ARHGEF7: variants seen among roughly 807,000 people sequenced by gnomAD.
ARHGEF7 encodes Rho guanine nucleotide exchange factor 7, also known as PAK-interacting exchange factor beta.
In ARHGEF7, 33 loss-of-function variants were observed where a neutral mutation model predicts 109.8. That is an observed-to-expected ratio of 0.30 (90% CI 0.23 to 0.40). ARHGEF7 has a LOEUF of 0.40. Among genes scored for constraint, ARHGEF7 ranks in the 10% least tolerant of loss-of-function variants. The pLI is 1.00. For missense variants in ARHGEF7, 938 were observed against 1,098.5 expected, an observed-to-expected ratio of 0.85 and a Z score of 2.07; for synonymous variants, 458 against 424.6, an observed-to-expected ratio of 1.08 and a Z score of -0.97.
chr13:111,280,317 A>G lies in ARHGEF7; in HGVS notation c.1552A>G (p.Ser518Gly), dbSNP rs760255275. The G allele has an allele frequency of 1.4e-5, 22 of 1,613,544 alleles. No individual in the cohort carries two copies. Among genetic ancestry groups the G allele is most frequent in the Non-Finnish European group, 1.5e-5 (18 of 1,179,864 alleles). Residue 518 changes from serine to glycine, a missense_variant, in exon 14 of 22, where the codon AGT (serine) becomes GGT (glycine). By Grantham distance (56) the Ser-to-Gly change is moderately conservative. This residue lies in a region of ARHGEF7 where 585 missense variants were observed against 723.6 expected (regional missense o/e 0.81). Transcript: ENST00000646102. ...AATGACAATCACAAAGCTTGAGGAC[A>G]GTGAAAATCATAGAAATGCATTTGA... ...TGMTITKLED[S>G]ENHRNAFEIS...
chr13:111,291,471 G>C (rs1387579297), intron 18 of ARHGEF7, among the ~76,000 whole-genome samples: 1 of 152,230 alleles, frequency 6.6e-6, no homozygotes, highest in African/African-American at 2.4e-5. Flanking sequence ...CCTGGGAGCA[G>C]GGGGTGGGTT....
intron 4 of ARHGEF7, among the ~76,000 whole-genome samples, chr13:111,212,846 G>T (rs72653514): frequency 2.6e-5 from 4 of 152,110 alleles, no homozygotes; most frequent in Non-Finnish European, 5.9e-5. Context: ...ACAGTTGATG[G>T]TATGCCATAA....
intron 2 of ARHGEF7, among the ~76,000 whole-genome samples, chr13:111,168,322 G>A (rs1280218914): frequency 6.9e-6 from 1 of 145,516 alleles, no homozygotes; most frequent in African/African-American, 2.5e-5. Flanking sequence ...TGAGGCAGGG[G>A]TGTGGGTCCC....
intron 1 of ARHGEF7, among the ~76,000 whole-genome samples, chr13:111,129,550 A>G (rs924265527): frequency 6.6e-6 from 1 of 152,248 alleles, no homozygotes; most frequent in African/African-American, 2.4e-5. Context: ...AATTTTAAAA[A>G]TGGGCAAATG....
At chr13:111,138,235 C>T (rs1228702599) in intron 1 of ARHGEF7, among the ~76,000 whole-genome samples, 2 of 152,120 alleles carry the variant, frequency 1.3e-5, no homozygotes, top group Non-Finnish European at 2.9e-5. Context: ...ATCGCTTGAA[C>T]TCGGGAGGCA....
rs1473936293 is a variant in ARHGEF7 at position 111,209,949 on chromosome 13, C to G, written c.415C>G (p.Gln139Glu). Residue 139 changes from glutamine to glutamate, a missense_variant, in exon 4 of 22, where the codon CAG becomes GAG. Gln to Glu is a conservative substitution (Grantham distance 29). This residue lies in a region of ARHGEF7 where 585 missense variants were observed against 723.6 expected (regional missense o/e 0.81). Coordinates refer to ENST00000646102, the MANE Select transcript of ARHGEF7 (RefSeq NM_001354046.2). ...RIKSFDSLGS[Q>E]SLHTRTSKLF... ...AAAGTCTTTTGACTCCCTTGGATCA[C>G]AGTCTTTGCACACTCGGACTTCAAA... 1.2e-6 allele frequency: 2 copies of G among 1,614,096 alleles called. No individual in the cohort carries two copies. The highest frequency in any genetic ancestry group is 1.7e-6 in the Non-Finnish European group (2 of 1,180,044).
intron 8 of ARHGEF7, among the ~76,000 whole-genome samples, chr13:111,261,203 T>TA (rs933845033): frequency 3.3e-5 from 5 of 151,678 alleles, no homozygotes; most frequent in African/African-American, 1.2e-4. Context: ...CTGAATGGAT[T>TA]AAAAAAAACC....
chr13:111,302,334 G>A (rs1013073917), intron 21 of ARHGEF7, among the ~76,000 whole-genome samples: 26 of 152,236 alleles, frequency 1.7e-4, no homozygotes, highest in Non-Finnish European at 3.5e-4. Context: ...CTAGGTGAGG[G>A]AAGGTTGGGG....
intron 4 of ARHGEF7, among the ~76,000 whole-genome samples, chr13:111,216,067 GT>G (rs2083095662): frequency 6.6e-6 from 1 of 152,082 alleles, no homozygotes; most frequent in Non-Finnish European, 1.5e-5. Flanking sequence ...GTATGAATTG[GT>G]TTGAATTTCT....
At chr13:111,244,326 A>G (rs375250835) in intron 8 of ARHGEF7, 32 bp downstream of exon 8, 40 of 1,319,190 alleles carry the variant, frequency 3.0e-5, no homozygotes, top group East Asian at 3.0e-4. Context: ...TGCAACACTC[A>G]GGTTGGTATA....
chr13:111,288,477 G>T, intron 18 of ARHGEF7, 34 bp downstream of exon 18: 2 of 1,538,142 alleles, frequency 1.3e-6, no homozygotes, highest in Non-Finnish European at 1.8e-6. Context: ...GAAGTGTGGT[G>T]GTTTATTCTG....
intron 2 of ARHGEF7, among the ~76,000 whole-genome samples, chr13:111,154,460 C>T (rs9522144): frequency 0.18 from 27,198 of 152,092 alleles, 2,567 homozygotes; most frequent in Non-Finnish European, 0.21. Flanking sequence ...TGGGCCAGCC[C>T]TCCGCCTGCT....
intron 2 of ARHGEF7, among the ~76,000 whole-genome samples, chr13:111,182,907 A>G (rs1238756368): frequency 6.6e-6 from 1 of 152,192 alleles, no homozygotes; most frequent in South Asian, 2.1e-4. Context: ...GAGCTATTCA[A>G]CGCTGTGTTA....
At chr13:111,214,422 A>C (rs531820038) in intron 4 of ARHGEF7, among the ~76,000 whole-genome samples, 54 of 152,280 alleles carry the variant, frequency 3.5e-4, no homozygotes, top group Non-Finnish European at 6.8e-4. Flanking sequence ...CTGGCATTGG[A>C]GCTGATCACC....
intron 1 of ARHGEF7, among the ~76,000 whole-genome samples, chr13:111,135,929 G>C (rs2075061939): frequency 6.6e-6 from 1 of 152,070 alleles, no homozygotes. Flanking sequence ...ATTGGCTGTG[G>C]GTTTGTCATA....
intron 5 of ARHGEF7, among the ~76,000 whole-genome samples, chr13:111,220,515 G>GT (rs1566865118): frequency 6.6e-6 from 1 of 152,178 alleles, no homozygotes; most frequent in Non-Finnish European, 1.5e-5. Context: ...AAAAGATGGG[G>GT]TTTGTGGATC....
chr13:111,220,650 C>T (rs567512875), intron 5 of ARHGEF7, among the ~76,000 whole-genome samples: 1 of 152,240 alleles, frequency 6.6e-6, no homozygotes, highest in African/African-American at 2.4e-5. Flanking sequence ...GCATCGTGAG[C>T]CCCCGCTTTT....
At chr13:111,123,283 A>G (rs1482224782) in intron 1 of ARHGEF7, among the ~76,000 whole-genome samples, 1 of 152,162 alleles carries the variant, frequency 6.6e-6, no homozygotes, top group East Asian at 1.9e-4. Flanking sequence ...GGGTGTGATC[A>G]CATGGAGGAG....
intron 17 of ARHGEF7, among the ~76,000 whole-genome samples, chr13:111,287,218 C>T (rs2093056894): frequency 6.6e-6 from 1 of 152,212 alleles, no homozygotes; most frequent in Non-Finnish European, 1.5e-5. Context: ...TAGTCCAGGT[C>T]CCTGACCACC....
Sources: gnomAD v4.1 joint callset for allele counts (sites outside exome capture counted in the v4.1 genomes callset) on GRCh38, gnomAD v4.1.1 for gene constraint, gnomAD v4.1.1 regional missense constraint, MANE v1.5 for transcripts, NCBI Gene and HGNC (gene_info 2026-07-23, HGNC 2026-07-21) for gene names.